TINAG: variants seen among roughly 807,000 people sequenced by gnomAD.
TINAG encodes tubulointerstitial nephritis antigen.
In TINAG, 83 loss-of-function variants were observed where a neutral mutation model predicts 72.7. The observed-to-expected ratio is 1.14, with a 90% CI of 0.96 to 1.37. The LOEUF (loss-of-function observed/expected upper bound fraction) is 1.37, where lower values mean the gene tolerates loss of function less well. Ranked by LOEUF, TINAG falls within the 40% of genes most tolerant of loss-of-function variation. The probability of loss-of-function intolerance (pLI) is 0.00; values close to 1 mark genes in which losing one functional copy is unlikely to be tolerated. For missense variants in TINAG, 685 were observed against 576.6 expected (o/e 1.19, Z -1.93); for synonymous variants, 234 against 189.9 (o/e 1.23, Z -1.91).
intron 9 of TINAG, among the ~76,000 whole-genome samples, chr6:54,374,849 G>T (rs1464139926): frequency 6.6e-6 from 1 of 151,968 alleles, no homozygotes; most frequent in Admixed American, 6.6e-5. Context: ...AAAATTTCCT[G>T]TTCAAGTAGG....
At chr6:54,336,044 C>G (rs1184506079) in intron 4 of TINAG, among the ~76,000 whole-genome samples, 1 of 151,982 alleles carries the variant, frequency 6.6e-6, no homozygotes, top group Non-Finnish European at 1.5e-5. Context: ...CTTTCCTTCC[C>G]TGGCTGGTTT....
At chr6:54,384,498 T>G (rs927382606) in intron 10 of TINAG, among the ~76,000 whole-genome samples, 5 of 152,066 alleles carry the variant, frequency 3.3e-5, no homozygotes, top group Non-Finnish European at 5.9e-5. Context: ...AAAGCAGCAC[T>G]GACTGACAGC....
intron 5 of TINAG, among the ~76,000 whole-genome samples, chr6:54,344,275 T>C (rs1038242879): frequency 2.0e-5 from 3 of 152,126 alleles, no homozygotes; most frequent in East Asian, 1.9e-4. Context: ...CATTGCTCCA[T>C]AGTATCAATC....
intron 5 of TINAG, among the ~76,000 whole-genome samples, chr6:54,345,717 A>G (rs949514757): frequency 3.3e-5 from 5 of 152,056 alleles, no homozygotes; most frequent in Non-Finnish European, 5.9e-5. Flanking sequence ...TCCTAGTGCA[A>G]TAGTAGATGG....
chr6:54,308,138 T>G, upstream of TINAG: 1 of 1,547,654 alleles, frequency 6.5e-7, no homozygotes, highest in Non-Finnish European at 8.7e-7. Flanking sequence ...TTGAATTTCC[T>G]GCACCTTGCC....
At chr6:54,308,167 A>T (rs1784154933), upstream of TINAG, 18 of 1,519,058 alleles carry the variant, frequency 1.2e-5, no homozygotes, top group South Asian at 2.2e-4. Flanking sequence ...TTACAGCCAT[A>T]ATCTGGGCCA....
At chr6:54,381,724 G>C in intron 10 of TINAG, among the ~76,000 whole-genome samples, 1 of 151,926 alleles carries the variant, frequency 6.6e-6, no homozygotes, top group Non-Finnish European at 1.5e-5. Flanking sequence ...TATAAACTAG[G>C]ATATGTTATT....
At chr6:54,340,911 T>G (rs1784981980) in intron 4 of TINAG, among the ~76,000 whole-genome samples, 1 of 152,140 alleles carries the variant, frequency 6.6e-6, no homozygotes, top group African/African-American at 2.4e-5. Context: ...AACATACTTT[T>G]ACTTGATAGA....
rs9395933 is a variant in TINAG, at chr6:54,327,232, G to T, written c.624+316G>T. 8,615 of 1,485,732 alleles carry T rather than the reference G, an allele frequency of 5.8e-3. 203 individuals are homozygous for T. The East Asian group carries it at 0.064, about 11-fold the overall frequency. 92.0% of individuals were successfully genotyped at this position (1,485,732 alleles called of 1,614,324 possible). On this transcript the variant is annotated intron_variant, in intron 4 of 10. Coordinates refer to ENST00000259782, the MANE Select transcript of TINAG (RefSeq NM_014464.4). ...CCAACGTAGAAGGTGGATGATTTCTGCATTACCAACTGAGGTACACGGTTC... is the reference window on the plus strand; with the variant it reads ...CCAACGTAGAAGGTGGATGATTTCTTCATTACCAACTGAGGTACACGGTTC...
At chr6:54,360,785 A>T (rs1438209369) in intron 9 of TINAG, among the ~76,000 whole-genome samples, 5 of 138,852 alleles carry the variant, frequency 3.6e-5, no homozygotes, top group Non-Finnish European at 3.1e-5. Context: ...TACTGAAGAT[A>T]TATAGTCCTA....
At chr6:54,365,380 T>C (rs528829157) in intron 9 of TINAG, 12 of 151,694 alleles carry the variant, frequency 7.9e-5, no homozygotes, top group African/African-American at 2.6e-4. Flanking sequence ...TAGAGGTTTG[T>C]TTCTTGTTCA....
chr6:54,385,674 A>G (rs55924825), intron 10 of TINAG, among the ~76,000 whole-genome samples: 1,946 of 152,092 alleles, frequency 0.013, 21 homozygotes, highest in Non-Finnish European at 0.021. Flanking sequence ...CCAAAACTTG[A>G]TAAGACAATA....
chr6:54,349,576 A>T, intron 6 of TINAG, 140 bp from the exon 7 acceptor site: 1 of 595,016 alleles, frequency 1.7e-6, no homozygotes, highest in Non-Finnish European at 2.7e-6. Flanking sequence ...TCTGTGTTGG[A>T]GTCACTCACT....
At chr6:54,366,386 A>G (rs531996665) in intron 9 of TINAG, among the ~76,000 whole-genome samples, 3 of 151,770 alleles carry the variant, frequency 2.0e-5, no homozygotes, top group African/African-American at 7.2e-5. Context: ...TAGGATAAAA[A>G]CAAATGCAGT....
At chr6:54,385,448 T>A (rs1764071139) in intron 10 of TINAG, among the ~76,000 whole-genome samples, 2 of 150,494 alleles carry the variant, frequency 1.3e-5, no homozygotes, top group Admixed American at 6.6e-5. Flanking sequence ...CTACACAGGA[T>A]GAAAATAGCA....
At chr6:54,353,382 C>T (rs889748945) in intron 8 of TINAG, among the ~76,000 whole-genome samples, 4 of 151,798 alleles carry the variant, frequency 2.6e-5, no homozygotes, top group Non-Finnish European at 4.4e-5. Context: ...GCCTGGCATA[C>T]GGCATTTCCC....
In TINAG at chr6:54,343,354, T is replaced by C. The variant is rs369980665; in HGVS notation, c.748+5T>C. On this transcript the variant is annotated splice_donor_5th_base_variant and intron_variant, in intron 5 of 10. Coordinates refer to ENST00000259782, the MANE Select transcript of TINAG (RefSeq NM_014464.4). ...CCTGGGCATTTTCCACTGCAAGTAA[T>C]AAAGTCATTTTAATTCCTTCCTTAT... is the stretch of plus-strand genomic sequence containing the variant. 2 of 1,520,742 alleles carry C rather than the reference T, an allele frequency of 1.3e-6. No individual in the cohort carries two copies. The highest frequency in any genetic ancestry group is 1.8e-6 in the Non-Finnish European group (2 of 1,131,190). The allele number at this position is 1,520,742 out of a possible 1,614,324, so 94.2% of individuals were successfully genotyped here.
intron 9 of TINAG, among the ~76,000 whole-genome samples, chr6:54,378,848 T>C (rs1763861924): frequency 6.6e-6 from 1 of 152,040 alleles, no homozygotes; most frequent in Non-Finnish European, 1.5e-5. Context: ...GCAAAATTAT[T>C]CTTCATGTTT....
chr6:54,327,651 G>T (rs1240045653), intron 4 of TINAG, among the ~76,000 whole-genome samples: 1 of 152,042 alleles, frequency 6.6e-6, no homozygotes, highest in African/African-American at 2.4e-5. Context: ...GAGCCAAGTG[G>T]TCTGGCTCAG....
Sources: gnomAD v4.1 joint callset for allele counts (sites outside exome capture counted in the v4.1 genomes callset) on GRCh38, gnomAD v4.1.1 for gene constraint, MANE v1.5 for transcripts, NCBI Gene and HGNC (gene_info 2026-07-23, HGNC 2026-07-21) for gene names.